HSPG2: variants seen among roughly 807,000 people sequenced by gnomAD.
HSPG2 encodes the protein heparan sulfate proteoglycan 2.
HSPG2 carries 278 observed loss-of-function variants against 526.6 expected under a neutral mutation model. The ratio of observed to expected loss-of-function variants is 0.53; its 90% CI spans 0.48 to 0.58. The LOEUF (loss-of-function observed/expected upper bound fraction) is 0.58, where lower values mean the gene tolerates loss of function less well. HSPG2 is among the 20% of genes least tolerant of loss of function. HSPG2 has a pLI of 0.00. For missense variants in HSPG2, 5,354 were observed against 6,099.5 expected (o/e 0.88, Z 4.07); for synonymous variants, 2,465 against 2,555.4 (o/e 0.96, Z 1.07).
rs375066928 is a variant in HSPG2 at position 21,881,386 on chromosome 1, C to T, written c.1771G>A (p.Val591Ile). 12 of 1,614,056 alleles carry T rather than the reference C, an allele frequency of 7.4e-6. No homozygotes were observed. The highest frequency in any genetic ancestry group is 3.3e-5 in the Admixed American group (2 of 60,000). Residue 591 changes from valine to isoleucine, a missense_variant, in exon 14 of 97, where the codon GTC (valine) becomes ATC (isoleucine). Val to Ile is a conservative substitution (Grantham distance 29). Transcript: ENST00000374695. ...GGCAGAGCCCAGAAGGAGTCGTGGA[C>T]GAGGAAGCGGCGGGACAGGTCGACT... ...QLVDLSRRFL[V>I]HDSFWALPEQ...
intron 28 of HSPG2, 82 bp downstream of exon 28, chr1:21,874,324 G>A (rs1382633763): frequency 6.4e-7 from 1 of 1,569,656 alleles, no homozygotes; most frequent in South Asian, 1.1e-5. Flanking sequence ...CTGCCTCTCA[G>A]AAGGGCCCTG....
chr1:21,914,869 G>A (rs896075896), intron 1 of HSPG2, among the ~76,000 whole-genome samples: 1 of 152,182 alleles, frequency 6.6e-6, no homozygotes, highest in Non-Finnish European at 1.5e-5. Context: ...ACTGCCCAGA[G>A]CAACCACCTG....
intron 1 of HSPG2, among the ~76,000 whole-genome samples, chr1:21,926,819 C>A (rs180790038): frequency 2.4e-4 from 35 of 146,962 alleles, no homozygotes; most frequent in Admixed American, 1.4e-3. Context: ...GTAGAGGCCA[C>A]TAGGGCTGGG....
At chr1:21,889,919 G>C (rs765643295) in intron 6 of HSPG2, 62 bp downstream of exon 6, 2 of 1,570,622 alleles carry the variant, frequency 1.3e-6, no homozygotes, top group Non-Finnish European at 1.8e-6. Context: ...CTATGGCAGA[G>C]ACACTGAAAG....
chr1:21,907,441 T>C (rs1289046350), intron 1 of HSPG2, among the ~76,000 whole-genome samples: 1 of 152,144 alleles, frequency 6.6e-6, no homozygotes. Context: ...CAGTCCATCC[T>C]CAGCAGCCTC....
At chr1:21,911,014 T>C (rs1643629733) in intron 1 of HSPG2, among the ~76,000 whole-genome samples, 1 of 152,144 alleles carries the variant, frequency 6.6e-6, no homozygotes, top group Admixed American at 6.5e-5. Flanking sequence ...CAAATGCACA[T>C]TGAAGAAAGG....
At chr1:21,923,268 A>G (rs1201295553) in intron 1 of HSPG2, among the ~76,000 whole-genome samples, 4 of 152,264 alleles carry the variant, frequency 2.6e-5, no homozygotes, top group East Asian at 3.9e-4. Flanking sequence ...TTAGCTGGGC[A>G]TAATGGCGGG....
At chr1:21,928,987 C>T (rs1206628433) in intron 1 of HSPG2, among the ~76,000 whole-genome samples, 2 of 152,006 alleles carry the variant, frequency 1.3e-5, no homozygotes, top group Admixed American at 6.5e-5. Flanking sequence ...CTCGAACTCC[C>T]AACCTCAGGT....
chr1:21,874,312 C>A, intron 28 of HSPG2, 94 bp downstream of exon 28: 2 of 1,523,284 alleles, frequency 1.3e-6, no homozygotes, highest in South Asian at 2.3e-5. Flanking sequence ...AGGATTTAAC[C>A]ACTGCCTCTC....
intron 33 of HSPG2, chr1:21,868,843 G>A (rs914119564): frequency 2.9e-6 from 2 of 689,498 alleles, no homozygotes; most frequent in African/African-American, 1.9e-5. Flanking sequence ...TGATATTTTG[G>A]GATTCTATGA....
At chr1:21,901,605 A>G (rs1557811979) in intron 1 of HSPG2, among the ~76,000 whole-genome samples, 1 of 152,038 alleles carries the variant, frequency 6.6e-6, no homozygotes, top group East Asian at 1.9e-4. Flanking sequence ...TTCAGCAGCC[A>G]GTCCACCCCA....
At chr1:21,861,690 T>C in intron 39 of HSPG2, 67 bp downstream of exon 39, 1 of 1,421,956 alleles carries the variant, frequency 7.0e-7, no homozygotes, top group South Asian at 1.2e-5. Context: ...CAACACCCTT[T>C]AAGGCTCTCA....
chr1:21,916,491 C>T (rs765649632), intron 1 of HSPG2, among the ~76,000 whole-genome samples: 8 of 151,550 alleles, frequency 5.3e-5, no homozygotes, highest in South Asian at 2.1e-4. Context: ...GGCAACAGAG[C>T]GAGACTCTGT....
chr1:21,830,924 G>A lies in HSPG2; in HGVS notation c.11671+58C>T. The A allele has an allele frequency of 5.2e-6, 6 of 1,154,988 alleles. No individual in the cohort carries two copies. The South Asian group carries it at 5.3e-5, about 10-fold the overall frequency. 71.5% of individuals were successfully genotyped at this position (1,154,988 alleles called of 1,614,324 possible). A position where few individuals can be genotyped will look rare whatever the true frequency, so the allele number is the denominator to read the frequency against. The stretch of plus-strand genomic sequence containing the variant: ...TTGAGATGGTGGTGGATATGGGGAG[G>A]CAGCAAAGGGAAGAGGCAGGCCCTG... On this transcript the variant is annotated intron_variant, in intron 85 of 96. Coordinates refer to ENST00000374695, the MANE Select transcript of HSPG2 (RefSeq NM_005529.7).
At position 21,859,342 on chromosome 1, in the gene HSPG2, C is replaced by T. The variant is rs948671790; in HGVS notation, c.5293+224G>A. ...GATTATAGACGTGACCCACCGTGCC[C>T]GGCCCACCCTTTTCTTTTGCCCTCA... On this transcript the variant is annotated intron_variant, in intron 42 of 96. Transcript: ENST00000374695. The surrounding 1 kb of genome is among the most constrained non-coding windows in gnomAD (Gnocchi z 5.3). Among the ~76,000 whole-genome samples the T allele has an allele frequency of 3.3e-5, 5 of 152,134 alleles. No homozygotes were observed. Among genetic ancestry groups the T allele is most frequent in the East Asian group, 1.9e-4 (1 of 5,178 alleles).
chr1:21,855,264 C>G (rs549902939), intron 47 of HSPG2, 40 bp downstream of exon 47: 2 of 1,580,674 alleles, frequency 1.3e-6, no homozygotes, highest in Non-Finnish European at 1.7e-6. Context: ...CTCTGCAGAG[C>G]CTGTGGGCCT....
chr1:21,924,827 T>C (rs536556960), intron 1 of HSPG2, among the ~76,000 whole-genome samples: 135 of 152,310 alleles, frequency 8.9e-4, no homozygotes, highest in Non-Finnish European at 1.6e-3. Flanking sequence ...GGACAACTCC[T>C]GGACCCCTGC....
Position 21,824,014 on chromosome 1 carries a change from T to G in HSPG2, c.12899+107A>C. The G allele has an allele frequency of 8.7e-7, 1 of 1,143,480 alleles. No individual in the cohort carries two copies. The highest frequency in any genetic ancestry group is 1.3e-5 in the South Asian group (1 of 76,116). The allele number at this position is 1,143,480 out of a possible 1,614,324, so 70.8% of individuals were successfully genotyped here. A position where few individuals can be genotyped will look rare whatever the true frequency, so the allele number is the denominator to read the frequency against. On this transcript the variant is annotated intron_variant, in intron 95 of 96. Coordinates refer to ENST00000374695, the MANE Select transcript of HSPG2 (RefSeq NM_005529.7). The surrounding 1 kb of genome is among the most constrained non-coding windows in gnomAD (Gnocchi z 5.9). Reference sequence around the variant, plus strand: ...GTTCTCCCCTCCCCTGGCTTCAAGTTCTGTCTCCACAGAGCTCAATACCTG... The same window carrying G: ...GTTCTCCCCTCCCCTGGCTTCAAGTGCTGTCTCCACAGAGCTCAATACCTG...
chr1:21,834,990 G>C (rs1490690672), intron 76 of HSPG2, 45 bp from the exon 77 acceptor site: 1 of 1,603,196 alleles, frequency 6.2e-7, no homozygotes, highest in East Asian at 2.2e-5. Flanking sequence ...AGTCACTGCA[G>C]GCCTGGCCCG....
Sources: allele counts gnomAD v4.1 joint callset (sites outside exome capture counted in the v4.1 genomes callset), GRCh38; gene constraint gnomAD v4.1.1; non-coding constraint Gnocchi (gnomAD v3.1); transcripts MANE v1.5; gene names NCBI Gene and HGNC (gene_info 2026-07-23, HGNC 2026-07-21).